The following DLGAP2 variants were observed in gnomAD, a reference collection of about 807,000 sequenced individuals.
The protein encoded by DLGAP2 is DLG associated protein 2.
Under a neutral mutation model 100.3 loss-of-function variants are expected in DLGAP2, and 26 were observed. The ratio of observed to expected loss-of-function variants is 0.26; its 90% CI spans 0.19 to 0.36. DLGAP2 has a LOEUF of 0.36. Among genes scored for constraint, DLGAP2 ranks in the 10% least tolerant of loss-of-function variants. DLGAP2 has a pLI of 1.00. For synonymous variants in DLGAP2, 886 were observed against 630.1 expected (o/e 1.41, Z -6.08); for missense variants, 1,858 against 1,453.2 (o/e 1.28, Z -4.53).
intron 2 of DLGAP2, among the ~76,000 whole-genome samples, chr8:1,163,704 G>A (rs1359735853): frequency 6.6e-6 from 1 of 152,188 alleles, no homozygotes; most frequent in Non-Finnish European, 1.5e-5. Context: ...GTAATGACTG[G>A]GCACATTCGG....
intron 2 of DLGAP2, among the ~76,000 whole-genome samples, chr8:1,138,511 G>T (rs769461394): frequency 6.6e-6 from 1 of 152,246 alleles, no homozygotes; most frequent in Admixed American, 6.5e-5. Flanking sequence ...GCTTTGAATA[G>T]AGCAGGCTGG....
intron 2 of DLGAP2, among the ~76,000 whole-genome samples, chr8:1,257,095 C>A (rs545474477): frequency 1.3e-5 from 2 of 151,862 alleles, no homozygotes; most frequent in Admixed American, 1.3e-4. Flanking sequence ...CAGATGTGTC[C>A]ACCCCGAGGC....
At chr8:886,266 T>G (rs188683420) in intron 1 of DLGAP2, among the ~76,000 whole-genome samples, 1 of 152,362 alleles carries the variant, frequency 6.6e-6, no homozygotes, top group Non-Finnish European at 1.5e-5. Flanking sequence ...TTCTTCTCTC[T>G]CTTTTTCTTT....
Position 1,278,732 on chromosome 8 carries a change from T to G in DLGAP2, c.106+19849T>G, listed in dbSNP as rs1799757348. Among the ~76,000 whole-genome samples, 3 of 152,224 alleles carry G rather than the reference T, an allele frequency of 2.0e-5. No individual in the cohort carries two copies. The South Asian group carries it at 6.2e-4, about 32-fold the overall frequency. On this transcript the variant is annotated intron_variant, in intron 3 of 14. Transcript: ENST00000637795. ...ATAGGCAATTATAACTGCCTTTCAT[T>G]TGATAAATGAATTACATAATGAAGA...
chr8:1,585,673 T>C (rs1489939831), intron 6 of DLGAP2, among the ~76,000 whole-genome samples: 1 of 152,218 alleles, frequency 6.6e-6, no homozygotes, highest in East Asian at 1.9e-4. Flanking sequence ...GAGATGCGTC[T>C]CTGGAAAACC....
At chr8:1,197,898 G>A (rs924936950) in intron 2 of DLGAP2, among the ~76,000 whole-genome samples, 3 of 152,182 alleles carry the variant, frequency 2.0e-5, no homozygotes, top group Middle Eastern at 3.2e-3. Context: ...CCTCTCATGG[G>A]GAATGAGTGG....
chr8:1,557,410 A>G (rs1802002092), intron 5 of DLGAP2, among the ~76,000 whole-genome samples: 4 of 152,104 alleles, frequency 2.6e-5, no homozygotes, highest in Admixed American at 2.0e-4. Context: ...TGTCCTCTCA[A>G]CAAGGAGATG....
chr8:1,589,514 G>A (rs901537342), intron 6 of DLGAP2, among the ~76,000 whole-genome samples: 1 of 152,176 alleles, frequency 6.6e-6, no homozygotes, highest in East Asian at 1.9e-4. Flanking sequence ...ACAGCTCCCT[G>A]CAGCCTCAAC....
intron 1 of DLGAP2, among the ~76,000 whole-genome samples, chr8:862,865 T>G (rs542207960): frequency 6.6e-6 from 1 of 152,308 alleles, no homozygotes; most frequent in South Asian, 2.1e-4. Flanking sequence ...ATGATGTTGT[T>G]TTATATTTTA....
At chr8:1,005,265 G>A (rs1401603850) in intron 2 of DLGAP2, among the ~76,000 whole-genome samples, 1 of 152,126 alleles carries the variant, frequency 6.6e-6, no homozygotes, top group Non-Finnish European at 1.5e-5. Flanking sequence ...TTGTGTTCTT[G>A]GAGTGAATCA....
intron 3 of DLGAP2, among the ~76,000 whole-genome samples, chr8:1,475,138 C>G (rs1198969549): frequency 6.6e-6 from 1 of 152,168 alleles, no homozygotes; most frequent in African/African-American, 2.4e-5. Flanking sequence ...ACTGCACGTT[C>G]TCACTCATAA....
At chr8:1,012,840 C>T (rs1244429300) in intron 2 of DLGAP2, among the ~76,000 whole-genome samples, 1 of 151,884 alleles carries the variant, frequency 6.6e-6, no homozygotes, top group African/African-American at 2.4e-5. Flanking sequence ...CCCCCGCCTC[C>T]ACCCATCACG....
intron 2 of DLGAP2, among the ~76,000 whole-genome samples, chr8:1,143,077 C>G (rs910068422): frequency 6.6e-6 from 1 of 152,176 alleles, no homozygotes; most frequent in African/African-American, 2.4e-5. Context: ...CCGGCCACAG[C>G]GGGGCCACCA....
At chr8:1,005,413 T>TG (rs1554464113) in intron 2 of DLGAP2, among the ~76,000 whole-genome samples, 3 of 144,430 alleles carry the variant, frequency 2.1e-5, no homozygotes, top group East Asian at 2.1e-4. Context: ...TTGTTTTTTT[T>TG]TTTTTTTTTT....
chr8:1,150,192 G>C (rs1042441115), intron 2 of DLGAP2, among the ~76,000 whole-genome samples: 1 of 152,016 alleles, frequency 6.6e-6, no homozygotes, highest in Non-Finnish European at 1.5e-5. Flanking sequence ...ATTTTTGTTT[G>C]CCTAGAAATG....
At chr8:1,247,457 C>T (rs113484938) in intron 2 of DLGAP2, among the ~76,000 whole-genome samples, 1 of 116,262 alleles carries the variant, frequency 8.6e-6, no homozygotes, top group African/African-American at 4.1e-5. Flanking sequence ...CCTTTGAGAT[C>T]AGTGTGGGAG....
chr8:1,135,833 T>C (rs2129049792), intron 2 of DLGAP2, among the ~76,000 whole-genome samples: 1 of 152,264 alleles, frequency 6.6e-6, no homozygotes, highest in Admixed American at 6.5e-5. Context: ...GACAAAACAA[T>C]AGATCTCTGC....
At chr8:902,296 T>C (rs946738004) in intron 1 of DLGAP2, among the ~76,000 whole-genome samples, 5 of 151,670 alleles carry the variant, frequency 3.3e-5, no homozygotes, top group African/African-American at 1.2e-4. Flanking sequence ...AGCGGACGTG[T>C]GTTCTGGGAC....
At chr8:903,972 G>T (rs1041863494) in intron 1 of DLGAP2, among the ~76,000 whole-genome samples, 1 of 152,260 alleles carries the variant, frequency 6.6e-6, no homozygotes, top group Non-Finnish European at 1.5e-5. Flanking sequence ...GGGTGAGGAA[G>T]AGGCGTGGCC....
Sources: allele counts gnomAD v4.1 joint callset (sites outside exome capture counted in the v4.1 genomes callset), GRCh38; gene constraint gnomAD v4.1.1; transcripts MANE v1.5; gene names NCBI Gene and HGNC (gene_info 2026-07-23, HGNC 2026-07-21).